MRTFA: variants seen among roughly 807,000 people sequenced by gnomAD.
MRTFA encodes the protein myocardin related transcription factor A.
In MRTFA, 20 loss-of-function variants were observed where a neutral mutation model predicts 83.5. That is an observed-to-expected ratio of 0.24 (90% CI 0.17 to 0.35). The LOEUF is 0.35. Among genes scored for constraint, MRTFA ranks in the 10% least tolerant of loss-of-function variants. The pLI, the probability that MRTFA is intolerant of heterozygous loss-of-function variation, is 1.00. For synonymous variants in MRTFA, 659 were observed against 541.2 expected (o/e 1.22, Z -3.02); for missense variants, 1,200 against 1,224.7 (o/e 0.98, Z 0.30).
chr22:40,601,935 T>C (rs1375189555), intron 1 of MRTFA, among the ~76,000 whole-genome samples: 1 of 152,224 alleles, frequency 6.6e-6, no homozygotes, highest in African/African-American at 2.4e-5. Context: ...TGGCATCTGT[T>C]ACCAACAGTG....
At chr22:40,536,022 A>G (rs1342643068) in intron 3 of MRTFA, among the ~76,000 whole-genome samples, 1 of 152,172 alleles carries the variant, frequency 6.6e-6, no homozygotes, top group Non-Finnish European at 1.5e-5. Flanking sequence ...AGTAATCTTT[A>G]AAAAATTAAA....
intron 1 of MRTFA, among the ~76,000 whole-genome samples, chr22:40,597,546 T>C (rs1277831522): frequency 3.9e-5 from 6 of 152,234 alleles, no homozygotes; most frequent in Non-Finnish European, 8.8e-5. Flanking sequence ...GCTTTAGTCA[T>C]GGATAAAGAA....
intron 3 of MRTFA, among the ~76,000 whole-genome samples, chr22:40,525,822 G>GTATTCT (rs1386376842): frequency 2.0e-5 from 3 of 151,812 alleles, no homozygotes; most frequent in African/African-American, 7.3e-5. Flanking sequence ...AATACACGAA[G>GTATTCT]TATTCTTATA....
rs1038101420 is a variant in MRTFA at position 40,635,033 on chromosome 22, T to A, written c.-84+1445A>T. On this transcript the variant is annotated intron_variant, in intron 1 of 14. Coordinates refer to ENST00000355630, the MANE Select transcript of MRTFA (RefSeq NM_020831.6). Reference sequence around the variant, plus strand: ...AACACTAGAGCTAAACTACAGATATTTTTTTCTTTGCAGGTGTTTTTAAAG... The same window carrying A: ...AACACTAGAGCTAAACTACAGATATATTTTTCTTTGCAGGTGTTTTTAAAG... Among the ~76,000 whole-genome samples, 27 of 8,880 alleles carry A rather than the reference T, an allele frequency of 3.0e-3. No individual in the cohort carries two copies. The African/African-American group carries it at 0.12, about 39-fold the overall frequency. The allele number at this position is 8,880 out of a possible 152,430, so 5.8% of individuals were successfully genotyped here. A position where few individuals can be genotyped will look rare whatever the true frequency, so the allele number is the denominator to read the frequency against.
chr22:40,412,041 A>AT, intron 14 of MRTFA, 134 bp from the exon 15 acceptor site: 3 of 681,860 alleles, frequency 4.4e-6, no homozygotes, highest in Non-Finnish European at 6.7e-6. Context: ...ACTTAAATGT[A>AT]AGAGCTAAGA....
At chr22:40,545,705 T>A (rs184558921) in intron 3 of MRTFA, among the ~76,000 whole-genome samples, 13 of 150,906 alleles carry the variant, frequency 8.6e-5, no homozygotes, top group South Asian at 4.2e-4. Flanking sequence ...AGTGCTGGGA[T>A]TACAGGCGTG....
intron 3 of MRTFA, among the ~76,000 whole-genome samples, chr22:40,475,503 C>G (rs1569286291): frequency 6.6e-6 from 1 of 151,888 alleles, no homozygotes; most frequent in Non-Finnish European, 1.5e-5. Context: ...TGCCCCTGCA[C>G]TCCAGCCTGG....
At chr22:40,497,399 G>A (rs1019160779) in intron 3 of MRTFA, among the ~76,000 whole-genome samples, 1 of 152,242 alleles carries the variant, frequency 6.6e-6, no homozygotes, top group Admixed American at 6.5e-5. Context: ...TTGGACAGCA[G>A]TGTGGAAACA....
chr22:40,533,613 A>G (rs752016673), intron 3 of MRTFA: 23 of 1,230,622 alleles, frequency 1.9e-5, no homozygotes, highest in Non-Finnish European at 2.3e-5. Flanking sequence ...CATCATTAAC[A>G]TCTCAGGTTC....
chr22:40,576,803 G>A (rs1292771705), intron 2 of MRTFA, among the ~76,000 whole-genome samples: 9 of 152,126 alleles, frequency 5.9e-5, no homozygotes, highest in Admixed American at 1.3e-4. Flanking sequence ...TAATGAGGCC[G>A]GGCATGGTGG....
intron 4 of MRTFA, among the ~76,000 whole-genome samples, chr22:40,453,465 C>T (rs909344764): frequency 3.0e-4 from 45 of 152,138 alleles, no homozygotes; most frequent in Middle Eastern, 3.2e-3. Context: ...TGGAAAGGGG[C>T]ACTGGGTGGA....
At position 40,417,460 on chromosome 22, in the gene MRTFA, G is replaced by A. The variant is rs755591098; in HGVS notation, c.2398C>T (p.Pro800Ser). ...TGCTCCAGGTCCATCTGGGCAGAGG[G>A]GGCAGGCGCTGGAGAGCCAGGCTGG... Residue 800 changes from proline (P) to serine (S), a missense_variant, in exon 13 of 15, where the codon CCC becomes TCC. Transcript: ENST00000355630. The A allele has an allele frequency of 3.1e-6, 5 of 1,597,942 alleles. No homozygotes were observed. Among genetic ancestry groups the A allele is most frequent in the South Asian group, 2.3e-5 (2 of 88,864 alleles).
intron 3 of MRTFA, among the ~76,000 whole-genome samples, chr22:40,495,477 G>C (rs1408326445): frequency 1.3e-5 from 2 of 150,416 alleles, no homozygotes; most frequent in Non-Finnish European, 3.0e-5. Flanking sequence ...ACACTGTCTG[G>C]GCTGGGTGTG....
chr22:40,585,340 T>C (rs2056012400), intron 2 of MRTFA, among the ~76,000 whole-genome samples: 2 of 152,170 alleles, frequency 1.3e-5, no homozygotes, highest in Non-Finnish European at 2.9e-5. Flanking sequence ...ATGATTCCAC[T>C]TATATGAGGT....
rs181873247 is a variant in MRTFA, at chr22:40,458,014, A to G, written c.307+5207T>C. On this transcript the variant is annotated intron_variant, in intron 4 of 14. Coordinates refer to ENST00000355630, the MANE Select transcript of MRTFA (RefSeq NM_020831.6). The stretch of plus-strand genomic sequence containing the variant: ...GACCTTGTACACCTTTAAACATCAA[A>G]GAGAAAGGCTTCAGGGGAAGCTTTG... 9.8e-5 allele frequency among the ~76,000 whole-genome samples: 15 copies of G among 152,344 alleles called. 1 individual carries two copies. The highest frequency in any genetic ancestry group is 7.2e-4 in the Admixed American group (11 of 15,310).
intron 3 of MRTFA, among the ~76,000 whole-genome samples, chr22:40,478,454 A>G (rs2054034080): frequency 6.6e-6 from 1 of 152,172 alleles, no homozygotes; most frequent in Non-Finnish European, 1.5e-5. Context: ...TAAGTCTAAA[A>G]TCATTCCAAA....
chr22:40,542,267 A>G (rs1433182497), intron 3 of MRTFA, among the ~76,000 whole-genome samples: 4 of 152,012 alleles, frequency 2.6e-5, no homozygotes, highest in Admixed American at 2.6e-4. Flanking sequence ...ACCACTACTT[A>G]TGCTTTGGAT....
At chr22:40,515,078 T>C (rs2054734970) in intron 3 of MRTFA, among the ~76,000 whole-genome samples, 1 of 151,372 alleles carries the variant, frequency 6.6e-6, no homozygotes, top group Non-Finnish European at 1.5e-5. Context: ...CTGGCTACTT[T>C]TTGTATTTTT....
chr22:40,617,136 A>T (rs2056458240), intron 1 of MRTFA, among the ~76,000 whole-genome samples: 1 of 134,480 alleles, frequency 7.4e-6, no homozygotes, highest in Non-Finnish European at 1.6e-5. Flanking sequence ...AAAGAGAGAG[A>T]CGAGAGAAGG....
Sources: allele counts gnomAD v4.1 joint callset (sites outside exome capture counted in the v4.1 genomes callset), GRCh38; gene constraint gnomAD v4.1.1; transcripts MANE v1.5; gene names NCBI Gene and HGNC (gene_info 2026-07-23, HGNC 2026-07-21).